Variants in DENND4C observed in about 807,000 individuals in gnomAD.
The protein encoded by DENND4C is DENN domain containing 4C, also known as DENN domain-containing protein 4C.
DENND4C carries 108 observed loss-of-function variants against 203.0 expected under a neutral mutation model. That is an observed-to-expected ratio of 0.53 (90% CI 0.46 to 0.62). DENND4C has a LOEUF of 0.62. Ranked by LOEUF, DENND4C falls within the 20% of genes least tolerant of loss-of-function variation. The pLI is 0.00. For missense variants in DENND4C, 2,481 were observed against 2,301.2 expected (o/e 1.08, Z -1.60); for synonymous variants, 871 against 792.4 (o/e 1.10, Z -1.67).
At chr9:19,328,210 G>T (rs1338402778) in intron 16 of DENND4C, 48 bp downstream of exon 16, 1 of 1,537,714 alleles carries the variant, frequency 6.5e-7, no homozygotes, top group Non-Finnish European at 8.8e-7. Flanking sequence ...TGTAAAATAT[G>T]TATATGTGAT....
At chr9:19,318,929 G>A (rs538966036) in intron 12 of DENND4C, among the ~76,000 whole-genome samples, 37 of 152,180 alleles carry the variant, frequency 2.4e-4, no homozygotes, top group Middle Eastern at 3.4e-3. Flanking sequence ...AGCACTTTGG[G>A]AGGCCAAGGC....
intron 22 of DENND4C, among the ~76,000 whole-genome samples, chr9:19,343,121 C>G (rs1414063847): frequency 6.6e-6 from 1 of 152,044 alleles, no homozygotes; most frequent in Non-Finnish European, 1.5e-5. Flanking sequence ...TGATCAAATT[C>G]CAGAGGGCTT....
At chr9:19,356,836 A>G (rs1825550355) in intron 26 of DENND4C, 136 bp from the exon 27 acceptor site, 2 of 746,880 alleles carry the variant, frequency 2.7e-6, no homozygotes, top group Non-Finnish European at 4.3e-6. Flanking sequence ...TATTGGAAAT[A>G]GGCCGTGTTT....
At position 19,372,858 on chromosome 9, in the gene DENND4C, C is replaced by CAAAAAAAAAAAAAAAAAA. The variant is rs368857837; in HGVS notation, c.*690_*707dup. ...CTTGGGTGACAGAGTGAGACCGTCT[C>CAAAAAAAAAAAAAAAAAA]AAAAAAAAAAAAAAAAAAAAAAGAG... On this transcript the variant is annotated 3_prime_UTR_variant, in exon 33 of 33. Transcript: ENST00000434457. The CAAAAAAAAAAAAAAAAAA allele has an allele frequency of 1.9e-5, 1 of 52,978 alleles. No homozygotes were observed. Among genetic ancestry groups the CAAAAAAAAAAAAAAAAAA allele is most frequent in the African/African-American group, 5.9e-5 (1 of 16,910 alleles). The allele number at this position is 52,978 out of a possible 1,614,324, so 3.3% of individuals were successfully genotyped here. A position where few individuals can be genotyped will look rare whatever the true frequency, so the allele number is the denominator to read the frequency against.
chr9:19,276,079 T>C (rs1200454489), intron 1 of DENND4C, 79 bp from the exon 2 acceptor site: 2 of 673,752 alleles, frequency 3.0e-6, no homozygotes, highest in Non-Finnish European at 2.1e-6. Flanking sequence ...TAGTTGATGA[T>C]TGTTAACTCA....
chr9:19,233,077 C>T (rs566459521), intron 1 of DENND4C, among the ~76,000 whole-genome samples: 2 of 151,284 alleles, frequency 1.3e-5, no homozygotes, highest in South Asian at 2.1e-4. Flanking sequence ...AGGTTTCAGT[C>T]ATATGCTTGC....
At chr9:19,270,152 A>G (rs1831336106) in intron 1 of DENND4C, among the ~76,000 whole-genome samples, 1 of 152,074 alleles carries the variant, frequency 6.6e-6, no homozygotes, top group South Asian at 2.1e-4. Context: ...CCTGGAGTTG[A>G]GGGGAGGAGT....
rs1202009099 is a variant in DENND4C at position 19,372,736 on chromosome 9, C to A, written c.*563C>A. 6.6e-6 allele frequency: 1 copy of A among 151,750 alleles called. No homozygotes were observed. Among genetic ancestry groups the A allele is most frequent in the Non-Finnish European group, 1.5e-5 (1 of 68,090 alleles). 9.4% of individuals were successfully genotyped at this position (151,750 alleles called of 1,614,324 possible). ...TAAAAATACAAAAATTAGCCAGGCG[C>A]ACCACTGTAGTCCCAGCTACTCAGG... is the stretch of plus-strand genomic sequence containing the variant. On this transcript the variant is annotated 3_prime_UTR_variant, in exon 33 of 33. Transcript: ENST00000434457.
chr9:19,297,449 G>C (rs77626751), intron 6 of DENND4C, among the ~76,000 whole-genome samples: 5,527 of 152,204 alleles, frequency 0.036, 333 homozygotes, highest in African/African-American at 0.13. Flanking sequence ...TTAATTTAAA[G>C]TTTATTGAAG....
At chr9:19,243,154 C>T (rs1455276691) in intron 1 of DENND4C, among the ~76,000 whole-genome samples, 2 of 152,138 alleles carry the variant, frequency 1.3e-5, no homozygotes, top group Admixed American at 6.5e-5. Flanking sequence ...ATCCCTCTCT[C>T]CTGGACCCCT....
intron 6 of DENND4C, among the ~76,000 whole-genome samples, chr9:19,297,470 CATT>C (rs1393713429): frequency 6.6e-6 from 1 of 152,108 alleles, no homozygotes; most frequent in Non-Finnish European, 1.5e-5. Flanking sequence ...TAAAATGTAA[CATT>C]AGTGTCAAGT....
intron 1 of DENND4C, among the ~76,000 whole-genome samples, chr9:19,266,886 C>T (rs1261927665): frequency 2.0e-5 from 3 of 152,112 alleles, no homozygotes; most frequent in African/African-American, 4.8e-5. Flanking sequence ...AGAAGAAAAC[C>T]TAGGCAGTAC....
intron 10 of DENND4C, among the ~76,000 whole-genome samples, chr9:19,315,813 C>T (rs865830910): frequency 6.6e-6 from 1 of 151,670 alleles, no homozygotes; most frequent in Non-Finnish European, 1.5e-5. Context: ...TCAAGTGATT[C>T]TTCTGCCTCA....
chr9:19,349,987 C>T (rs1823720640), intron 23 of DENND4C, among the ~76,000 whole-genome samples: 1 of 151,956 alleles, frequency 6.6e-6, no homozygotes, highest in Non-Finnish European at 1.5e-5. Context: ...CCTTGTTTTG[C>T]TTATCTGTAT....
intron 30 of DENND4C, among the ~76,000 whole-genome samples, chr9:19,366,811 A>T (rs1410829812): frequency 2.0e-5 from 3 of 152,226 alleles, no homozygotes; most frequent in Non-Finnish European, 4.4e-5. Context: ...AGGCCTTCAA[A>T]AAAAGCAACA....
chr9:19,267,994 TTTCC>T lies in DENND4C; in HGVS notation c.-17-8151_-17-8148del, dbSNP rs898334637. ...TTTGTTATTTGTTTTCTGGTCTTCT[TTTCC>T]TTCCTTCCTTCCCATCTTCCTTTAT... On this transcript the variant is annotated intron_variant, in intron 1 of 32. Transcript: ENST00000434457. Among the ~76,000 whole-genome samples, 22 of 152,244 alleles carry T rather than the reference TTTCC, an allele frequency of 1.4e-4. 2 individuals carry two copies. The highest frequency in any genetic ancestry group is 4.6e-4 in the Admixed American group (7 of 15,290).
chr9:19,265,717 C>T (rs559383255), intron 1 of DENND4C, among the ~76,000 whole-genome samples: 2 of 152,184 alleles, frequency 1.3e-5, no homozygotes, highest in Admixed American at 6.5e-5. Context: ...GGTTTTCTGT[C>T]CTTGCGATAG....
chr9:19,340,822 C>G (rs913155275), intron 20 of DENND4C, among the ~76,000 whole-genome samples, 170 bp from the exon 21 acceptor site: 3 of 152,122 alleles, frequency 2.0e-5, no homozygotes, highest in African/African-American at 7.2e-5. Context: ...TTCTACTGTT[C>G]TTTGCGGCTT....
At chr9:19,282,559 T>TAAAAA (rs55934794) in intron 2 of DENND4C, among the ~76,000 whole-genome samples, 64,591 of 136,250 alleles carry the variant, frequency 0.47, 15,973 homozygotes, top group South Asian at 0.63. Context: ...TGGCAAAAAT[T>TAAAAA]AAAAAAAAAA....
Sources: gnomAD v4.1 joint callset for allele counts (sites outside exome capture counted in the v4.1 genomes callset) on GRCh38, gnomAD v4.1.1 for gene constraint, MANE v1.5 for transcripts, NCBI Gene and HGNC (gene_info 2026-07-23, HGNC 2026-07-21) for gene names.